The following SETBP1 variants were observed in gnomAD, a reference collection of about 807,000 sequenced individuals.
SETBP1 encodes the protein SET binding protein 1, also known as SET-binding protein.
Under a neutral mutation model 101.0 loss-of-function variants are expected in SETBP1, and 9 were observed. The observed-to-expected ratio is 0.09, with a 90% CI of 0.05 to 0.16. The LOEUF (loss-of-function observed/expected upper bound fraction) is 0.16, where lower values mean the gene tolerates loss of function less well. Ranked by LOEUF, SETBP1 falls within the 10% of genes least tolerant of loss-of-function variation. SETBP1 has a pLI of 1.00. For synonymous variants in SETBP1, 818 were observed against 788.5 expected (o/e 1.04, Z -0.63); for missense variants, 1,858 against 2,033.8 (o/e 0.91, Z 1.66).
intron 3 of SETBP1, among the ~76,000 whole-genome samples, chr18:44,892,365 T>C (rs1314023186): frequency 6.6e-6 from 1 of 152,170 alleles, no homozygotes; most frequent in South Asian, 2.1e-4. Flanking sequence ...AAAATGTGTT[T>C]TTGAGGACTT....
At chr18:44,975,935 G>A (rs1188731524) in intron 4 of SETBP1, among the ~76,000 whole-genome samples, 1 of 152,200 alleles carries the variant, frequency 6.6e-6, no homozygotes, top group Non-Finnish European at 1.5e-5. Flanking sequence ...GCCTGGACCA[G>A]AATACAGGTC....
At chr18:44,864,085 C>T (rs192617377) in intron 2 of SETBP1, among the ~76,000 whole-genome samples, 10 of 152,160 alleles carry the variant, frequency 6.6e-5, no homozygotes, top group African/African-American at 2.4e-4. Flanking sequence ...GGGGACATGA[C>T]GTTTGTTCCT....
At chr18:44,880,465 A>G (rs577672875) in intron 3 of SETBP1, among the ~76,000 whole-genome samples, 5 of 152,344 alleles carry the variant, frequency 3.3e-5, no homozygotes, top group South Asian at 4.1e-4. Flanking sequence ...CAGAAATCCC[A>G]AAGTAAAGAA....
intron 3 of SETBP1, among the ~76,000 whole-genome samples, chr18:44,911,826 G>A (rs958678659): frequency 6.6e-6 from 1 of 152,076 alleles, no homozygotes; most frequent in East Asian, 1.9e-4. Context: ...CCAGGGACAG[G>A]GACAAACATT....
chr18:44,742,704 C>G (rs531454283), intron 2 of SETBP1, among the ~76,000 whole-genome samples: 1 of 152,190 alleles, frequency 6.6e-6, no homozygotes, highest in African/African-American at 2.4e-5. Context: ...GGAGGGCCAG[C>G]CTGCCTCTGT....
intron 3 of SETBP1, among the ~76,000 whole-genome samples, chr18:44,922,888 TACAGAGACCACTGTATCCTCCAAGGGA>T (rs1474740289): frequency 1.3e-5 from 2 of 152,148 alleles, no homozygotes; most frequent in African/African-American, 4.8e-5. Context: ...GATAGGCACT[TACAGAGACCACTGTATCCTCCAAGGGA>T]TGAGAAGAAG....
intron 3 of SETBP1, among the ~76,000 whole-genome samples, chr18:44,910,812 T>C (rs1056377266): frequency 6.6e-6 from 1 of 152,134 alleles, no homozygotes; most frequent in Non-Finnish European, 1.5e-5. Context: ...CTCTAGTGCC[T>C]CCCCACAGGG....
rs76538583 is a variant in SETBP1, at chr18:44,871,346, T to G, written c.540+2063T>G. Reference sequence around the variant, plus strand: ...ACCAAACTGCTGGCTTCTGTTGTTATTTTTCCCCTTCTCTCTTTGGGTTTC... The same window carrying G: ...ACCAAACTGCTGGCTTCTGTTGTTAGTTTTCCCCTTCTCTCTTTGGGTTTC... On this transcript the variant is annotated intron_variant, in intron 3 of 5. Coordinates refer to ENST00000649279, the MANE Select transcript of SETBP1 (RefSeq NM_015559.3). The G allele has an allele frequency of 5.9e-5, 9 of 152,382 alleles. No homozygotes were observed. The East Asian group carries it at 1.5e-3, about 26-fold the overall frequency. The allele number at this position is 152,382 out of a possible 1,614,324, so 9.4% of individuals were successfully genotyped here.
intron 4 of SETBP1, among the ~76,000 whole-genome samples, chr18:44,973,330 A>C (rs1279248276): frequency 6.6e-6 from 1 of 152,196 alleles, no homozygotes; most frequent in Non-Finnish European, 1.5e-5. Context: ...ATATTCATCT[A>C]AAATTCTCTT....
At chr18:44,971,140 C>G (rs1405021955) in intron 4 of SETBP1, among the ~76,000 whole-genome samples, 1 of 151,794 alleles carries the variant, frequency 6.6e-6, no homozygotes, top group Non-Finnish European at 1.5e-5. Flanking sequence ...GTTTTTTGTC[C>G]TTGTGATAGT....
rs546766905 is a variant in SETBP1 at position 44,725,538 on chromosome 18, A to G, written c.486+23706A>G. Among the ~76,000 whole-genome samples, 13 of 152,282 alleles carry G rather than the reference A, an allele frequency of 8.5e-5. 1 individual carries two copies. On this transcript the variant is annotated intron_variant, in intron 2 of 5. Coordinates refer to ENST00000649279, the MANE Select transcript of SETBP1 (RefSeq NM_015559.3). ...TTTCATATTTTAGGAGCACAGGTTCATTTTGTTTTCTAGGCTGACAGTGAA... is the reference window on the plus strand; with the variant it reads ...TTTCATATTTTAGGAGCACAGGTTCGTTTTGTTTTCTAGGCTGACAGTGAA...
chr18:44,956,657 G>T (rs945039036), intron 4 of SETBP1, among the ~76,000 whole-genome samples: 1 of 152,142 alleles, frequency 6.6e-6, no homozygotes, highest in African/African-American at 2.4e-5. Context: ...GCCTGTTGAG[G>T]ATGAGAATTA....
At chr18:45,023,175 TAATC>T (rs1188262991) in intron 4 of SETBP1, among the ~76,000 whole-genome samples, 1 of 152,248 alleles carries the variant, frequency 6.6e-6, no homozygotes, top group African/African-American at 2.4e-5. Flanking sequence ...TTCTGATTCT[TAATC>T]AACCAGATCA....
intron 2 of SETBP1, among the ~76,000 whole-genome samples, chr18:44,756,110 C>T (rs996102793): frequency 3.3e-5 from 5 of 151,708 alleles, no homozygotes; most frequent in Admixed American, 1.3e-4. Context: ...CCAGCTACTC[C>T]GGAGGGTGAG....
At chr18:44,699,327 T>C (rs1236773558) in intron 1 of SETBP1, among the ~76,000 whole-genome samples, 1 of 152,214 alleles carries the variant, frequency 6.6e-6, no homozygotes, top group African/African-American at 2.4e-5. Flanking sequence ...TCTTACCGCT[T>C]GACAAATGGG....
At chr18:44,793,325 A>C (rs1261883859) in intron 2 of SETBP1, among the ~76,000 whole-genome samples, 1 of 152,210 alleles carries the variant, frequency 6.6e-6, no homozygotes, top group Non-Finnish European at 1.5e-5. Context: ...GGGGCCACAC[A>C]ACCAGAGATT....
chr18:44,974,031 A>G (rs1303918982), intron 4 of SETBP1, among the ~76,000 whole-genome samples: 1 of 152,236 alleles, frequency 6.6e-6, no homozygotes, highest in African/African-American at 2.4e-5. Flanking sequence ...ATTTAATTAA[A>G]AGGAAAATTT....
chr18:44,765,616 T>C lies in SETBP1; in HGVS notation c.486+63784T>C, dbSNP rs564658149. ...TGGCACAGATCAAATTAATCATTAT[T>C]AATCATGCCCCAATGACAGTAACCT... On this transcript the variant is annotated intron_variant, in intron 2 of 5. Transcript: ENST00000649279. Among the ~76,000 whole-genome samples, 15 of 152,306 alleles carry C rather than the reference T, an allele frequency of 9.8e-5. No individual in the cohort carries two copies. The South Asian group carries it at 2.9e-3, about 29-fold the overall frequency.
chr18:44,687,315 A>G (rs984178955), intron 1 of SETBP1, among the ~76,000 whole-genome samples: 56 of 152,188 alleles, frequency 3.7e-4, no homozygotes, highest in African/African-American at 1.3e-3. Flanking sequence ...TAGGAATGTT[A>G]AGGATTTCTT....
Sources: gnomAD v4.1 joint callset for allele counts (sites outside exome capture counted in the v4.1 genomes callset) on GRCh38, gnomAD v4.1.1 for gene constraint, MANE v1.5 for transcripts, NCBI Gene and HGNC (gene_info 2026-07-23, HGNC 2026-07-21) for gene names.